Variants in KANK1 observed in about 807,000 individuals in gnomAD.
The protein encoded by KANK1 is KN motif and ankyrin repeat domain-containing protein 1.
A neutral mutation model predicts 106.2 loss-of-function variants in KANK1; 109 were observed. The ratio of observed to expected loss-of-function variants is 1.03; its 90% CI spans 0.88 to 1.20. The LOEUF is 1.20. Among genes scored for constraint, KANK1 ranks in the 50% most tolerant of loss-of-function variants. The pLI, the probability that KANK1 is intolerant of heterozygous loss-of-function variation, is 0.00. For synonymous variants in KANK1, 873 were observed against 652.2 expected (o/e 1.34, Z -5.16); for missense variants, 2,399 against 1,710.7 (o/e 1.40, Z -7.10).
At chr9:663,923 G>A (rs761806558) in intron 1 of KANK1, among the ~76,000 whole-genome samples, 8 of 152,144 alleles carry the variant, frequency 5.3e-5, no homozygotes, top group East Asian at 1.9e-4. Flanking sequence ...TGGGACACAA[G>A]GAGGCAGATG....
intron 1 of KANK1, among the ~76,000 whole-genome samples, chr9:664,434 T>G (rs1287409760): frequency 6.6e-6 from 1 of 152,150 alleles, no homozygotes. Flanking sequence ...TATTCTATTG[T>G]GTATTTTTAC....
At chr9:576,901 C>G (rs1441446904) in intron 1 of KANK1, among the ~76,000 whole-genome samples, 1 of 152,142 alleles carries the variant, frequency 6.6e-6, no homozygotes, top group African/African-American at 2.4e-5. Flanking sequence ...GTTTCTTGGT[C>G]TCACTGACTT....
chr9:530,042 T>A (rs940391400), intron 1 of KANK1, among the ~76,000 whole-genome samples: 1 of 152,240 alleles, frequency 6.6e-6, no homozygotes, highest in African/African-American at 2.4e-5. Context: ...TGAGCATATT[T>A]TCATAAATTT....
chr9:567,127 A>C (rs1345979482), intron 1 of KANK1, among the ~76,000 whole-genome samples: 2 of 152,028 alleles, frequency 1.3e-5, no homozygotes, highest in Non-Finnish European at 2.9e-5. Flanking sequence ...TGTTTTTGTC[A>C]GGTTTGTCAA....
chr9:720,537 T>G (rs1386951707), intron 3 of KANK1, among the ~76,000 whole-genome samples: 1 of 152,206 alleles, frequency 6.6e-6, no homozygotes, highest in Non-Finnish European at 1.5e-5. Context: ...TTCTGTTTGT[T>G]AGAGAGGGGG....
upstream of KANK1, among the ~76,000 whole-genome samples, chr9:503,779 G>C (rs1452878491): frequency 6.6e-6 from 1 of 152,182 alleles, no homozygotes; most frequent in Non-Finnish European, 1.5e-5. Context: ...AAAGACTGAA[G>C]TCACAGCTTC....
chr9:730,222 A>G lies in KANK1; in HGVS notation c.2870A>G (p.Asp957Gly). Reference sequence around the variant, plus strand: ...ACGCTGTCTCCAGTGAACCTGACAGACGACCAGATCGCCGCTGGCCTCTAT... The same window carrying G: ...ACGCTGTCTCCAGTGAACCTGACAGGCGACCAGATCGCCGCTGGCCTCTAT... The part of the protein sequence containing the change: ...EGTLSPVNLT[D>G]DQIAAGLYAC... Residue 957 changes from aspartate (D) to glycine (G), a missense_variant, in exon 4 of 12, where the codon GAC becomes GGC. Asp to Gly is a moderately conservative substitution (Grantham distance 94). Transcript: ENST00000382297. The G allele has an allele frequency of 6.2e-7, 1 of 1,614,188 alleles. No individual in the cohort carries two copies. Among genetic ancestry groups the G allele is most frequent in the Non-Finnish European group, 8.5e-7 (1 of 1,180,028 alleles).
intron 1 of KANK1, among the ~76,000 whole-genome samples, chr9:555,320 C>T (rs1360619012): frequency 6.6e-6 from 1 of 152,140 alleles, no homozygotes; most frequent in East Asian, 1.9e-4. Flanking sequence ...AGTGGGGACA[C>T]CTGCCTCCCC....
intron 3 of KANK1, among the ~76,000 whole-genome samples, chr9:486,276 G>A (rs1347647972): frequency 6.6e-6 from 1 of 152,194 alleles, no homozygotes; most frequent in African/African-American, 2.4e-5. Context: ...AGAAACTGGA[G>A]AAGTCCGTGT....
rs1484826715 is a variant in KANK1 at position 516,904 on chromosome 9, C to G, written c.-84+12150C>G. ...GCCTCCATCAGTGTAAGTTTGAACA[C>G]TTGGGTTACGAAGAAATTTGTCCTA... On this transcript the variant is annotated intron_variant, in intron 1 of 11. Coordinates refer to ENST00000382297, the MANE Select transcript of KANK1 (RefSeq NM_015158.5). Among the ~76,000 whole-genome samples, 2 of 151,326 alleles carry G rather than the reference C, an allele frequency of 1.3e-5. 1 individual carries two copies. The highest frequency in any genetic ancestry group is 4.9e-5 in the African/African-American group (2 of 40,736).
chr9:740,536 C>G (rs1268405539), intron 8 of KANK1, among the ~76,000 whole-genome samples: 11 of 152,192 alleles, frequency 7.2e-5, no homozygotes, highest in Non-Finnish European at 1.6e-4. Flanking sequence ...ATTTCAGCCA[C>G]CAGTTGCAAA....
chr9:703,778 C>A (rs1416915901), intron 2 of KANK1, among the ~76,000 whole-genome samples: 4 of 151,692 alleles, frequency 2.6e-5, no homozygotes, highest in Non-Finnish European at 5.9e-5. Flanking sequence ...GTGGCGTGAT[C>A]TTGACACACT....
intron 3 of KANK1, among the ~76,000 whole-genome samples, chr9:724,714 A>G (rs994381535): frequency 6.6e-6 from 1 of 152,070 alleles, no homozygotes; most frequent in Non-Finnish European, 1.5e-5. Context: ...AAGCAGGAGA[A>G]TCACTTGAAC....
Position 712,098 on chromosome 9 carries a change from G to A in KANK1, c.1332G>A (p.Met444Ile). The change falls in exon 3 of 12, where the codon ATG (methionine) becomes ATA (isoleucine). Residue 444 changes from methionine (M) to isoleucine (I), a missense_variant. Transcript: ENST00000382297. ...GTGGGGTCAGCGTGACAGAGGCCATGCTTGGAGTGATGACTGAAGCTGACA... is the reference window on the plus strand; with the variant it reads ...GTGGGGTCAGCGTGACAGAGGCCATACTTGGAGTGATGACTGAAGCTGACA... ...RNCGVSVTEA[M>I]LGVMTEADKE... 6.2e-7 allele frequency: 1 copy of A among 1,614,196 alleles called. No individual in the cohort carries two copies. Among genetic ancestry groups the A allele is most frequent in the Non-Finnish European group, 8.5e-7 (1 of 1,180,042 alleles).
chr9:523,384 T>C (rs1587487112), intron 1 of KANK1, among the ~76,000 whole-genome samples: 1 of 151,700 alleles, frequency 6.6e-6, no homozygotes, highest in Non-Finnish European at 1.5e-5. Flanking sequence ...CCTCCCTCTT[T>C]CCACTGCCAC....
At chr9:657,050 G>A (rs1268874202) in intron 1 of KANK1, among the ~76,000 whole-genome samples, 1 of 151,912 alleles carries the variant, frequency 6.6e-6, no homozygotes, top group Non-Finnish European at 1.5e-5. Flanking sequence ...TTCCCCCTGT[G>A]CCAGCCGCTG....
intron 1 of KANK1, among the ~76,000 whole-genome samples, chr9:633,504 C>T (rs891628748): frequency 2.6e-5 from 4 of 152,140 alleles, no homozygotes; most frequent in African/African-American, 9.7e-5. Flanking sequence ...TCTTGCCATT[C>T]AAGTTACTTC....
chr9:539,266 A>G (rs1284057544), intron 1 of KANK1, among the ~76,000 whole-genome samples: 1 of 152,098 alleles, frequency 6.6e-6, no homozygotes, highest in East Asian at 1.9e-4. Flanking sequence ...TCCATACAAT[A>G]TTTTTTTCCG....
intron 2 of KANK1, among the ~76,000 whole-genome samples, chr9:686,590 T>C (rs1383353303): frequency 6.6e-6 from 1 of 151,946 alleles, no homozygotes; most frequent in Non-Finnish European, 1.5e-5. Flanking sequence ...GAAAAAAAAA[T>C]TAATTGCAAA....
Sources: allele counts gnomAD v4.1 joint callset (sites outside exome capture counted in the v4.1 genomes callset), GRCh38; gene constraint gnomAD v4.1.1; transcripts MANE v1.5; gene names NCBI Gene and HGNC (gene_info 2026-07-23, HGNC 2026-07-21).